DNAH6: variants seen among roughly 807,000 people sequenced by gnomAD.
DNAH6 encodes dynein axonemal heavy chain 6.
In DNAH6, 340 loss-of-function variants were observed where a neutral mutation model predicts 491.4. That is an observed-to-expected ratio of 0.69 (90% CI 0.63 to 0.76). The LOEUF (loss-of-function observed/expected upper bound fraction) is 0.76, where lower values mean the gene tolerates loss of function less well. Ranked by LOEUF, DNAH6 falls within the 30% of genes least tolerant of loss-of-function variation. DNAH6 has a pLI of 0.00. For synonymous variants in DNAH6, 1,603 were observed against 1,686.1 expected, an observed-to-expected ratio of 0.95 and a Z score of 1.21; for missense variants, 4,443 against 4,972.2, an observed-to-expected ratio of 0.89 and a Z score of 3.20.
At chr2:84,501,547 G>C in the DNAH6 span, among the ~76,000 whole-genome samples, 1 of 149,598 alleles carries the variant, frequency 6.7e-6, no homozygotes, top group Admixed American at 6.7e-5. Flanking sequence ...CTTGCAGAAT[G>C]GGTTTGGAAG....
At chr2:84,528,823 C>G (rs1558666375) in intron 3 of DNAH6, 81 bp from the exon 4 acceptor site, 2 of 1,330,684 alleles carry the variant, frequency 1.5e-6, no homozygotes, top group South Asian at 3.0e-5. Flanking sequence ...GGCAATTAGT[C>G]CTTGAAGGTA....
intron 63 of DNAH6, among the ~76,000 whole-genome samples, chr2:84,748,108 C>CT (rs1673137741): frequency 6.6e-6 from 1 of 152,120 alleles, no homozygotes; most frequent in Non-Finnish European, 1.5e-5. Context: ...CCTTTGAAGT[C>CT]TTTTTTCCCC....
intron 72 of DNAH6, among the ~76,000 whole-genome samples, chr2:84,811,259 C>G (rs1679941048): frequency 6.6e-6 from 1 of 152,222 alleles, no homozygotes; most frequent in Non-Finnish European, 1.5e-5. Flanking sequence ...TGGTCCCAGG[C>G]CTTATTTGGT....
chr2:84,775,627 A>G (rs540043766), intron 64 of DNAH6, among the ~76,000 whole-genome samples: 32 of 152,168 alleles, frequency 2.1e-4, no homozygotes, highest in African/African-American at 7.0e-4. Context: ...TCCACTGTGA[A>G]TCTTTCTGGT....
chr2:84,706,852 C>A, intron 52 of DNAH6, 44 bp from the exon 53 acceptor site: 1 of 1,509,226 alleles, frequency 6.6e-7, no homozygotes, highest in Non-Finnish European at 8.8e-7. Flanking sequence ...GCAAATTCAG[C>A]CTTTTTTTGG....
In DNAH6 at chr2:84,585,565, G is replaced by T. The variant is rs556348596; in HGVS notation, c.2481+1315G>T. 3.0e-4 allele frequency among the ~76,000 whole-genome samples: 46 copies of T among 152,186 alleles called. 1 individual carries two copies. In the South Asian group the frequency reaches 8.9e-3, roughly 30 times the overall value. ...TGGAATGGGTGACTCCTCTCTGCAG[G>T]CAGGTTGTCCCATCATCTCTGCAGC... On this transcript the variant is annotated intron_variant, in intron 15 of 76. Transcript: ENST00000389394.
At chr2:84,525,327 A>G (rs1346822169) in intron 2 of DNAH6, among the ~76,000 whole-genome samples, 4 of 152,020 alleles carry the variant, frequency 2.6e-5, no homozygotes, top group Admixed American at 2.0e-4. Context: ...TTATTCTTCT[A>G]AGTATTCATT....
At chr2:84,469,564 C>T in the DNAH6 span, among the ~76,000 whole-genome samples, 3 of 152,138 alleles carry the variant, frequency 2.0e-5, no homozygotes, top group Non-Finnish European at 4.4e-5. This position sits in a 1 kb window ranked among gnomAD's most constrained non-coding sequence, Gnocchi z 4.0. Context: ...TAAAGTATTG[C>T]CTGTGGCAGC....
At chr2:84,579,431 C>T in intron 13 of DNAH6, 96 bp from the exon 14 acceptor site, 2 of 1,364,772 alleles carry the variant, frequency 1.5e-6, no homozygotes, top group Non-Finnish European at 2.0e-6. Context: ...CTTCCAATGC[C>T]TGCTGATTTA....
intron 15 of DNAH6, among the ~76,000 whole-genome samples, chr2:84,586,837 T>A (rs947056931): frequency 1.3e-5 from 2 of 152,244 alleles, no homozygotes; most frequent in Admixed American, 6.5e-5. Flanking sequence ...TACCATATAC[T>A]GTATTCTATA....
chr2:84,624,410 A>G lies in DNAH6; in HGVS notation c.4197+20A>G, dbSNP rs1257597392. On this transcript the variant is annotated intron_variant, in intron 27 of 76. Transcript: ENST00000389394. ...TCCAAGGTAACTGTTTCATTTAAGT[A>G]AAATTATATACTTCTTTCTGAAATT... 24 of 1,549,448 alleles carry G rather than the reference A, an allele frequency of 1.5e-5. No individual in the cohort carries two copies. Among genetic ancestry groups the G allele is most frequent in the Non-Finnish European group, 1.9e-5 (22 of 1,146,132 alleles).
intron 59 of DNAH6, among the ~76,000 whole-genome samples, chr2:84,719,702 T>G (rs890164858): frequency 3.3e-5 from 5 of 152,014 alleles, no homozygotes; most frequent in Non-Finnish European, 2.9e-5. Context: ...TTTTTTATTT[T>G]TTGTAGAGAC....
intron 42 of DNAH6, among the ~76,000 whole-genome samples, chr2:84,683,436 T>TTTTTTTTTG: frequency 1.3e-5 from 1 of 79,680 alleles, no homozygotes; most frequent in East Asian, 5.1e-4. Context: ...TTTTTTTTTT[T>TTTTTTTTTG]TTTGAGATAG....
chr2:84,638,326 T>G (rs1689062384), intron 31 of DNAH6, among the ~76,000 whole-genome samples: 1 of 152,068 alleles, frequency 6.6e-6, no homozygotes, highest in African/African-American at 2.4e-5. Context: ...TATACGTATT[T>G]TTCATGGCAC....
At chr2:84,499,820 A>G in the DNAH6 span, among the ~76,000 whole-genome samples, 1 of 151,848 alleles carries the variant, frequency 6.6e-6, no homozygotes, top group Non-Finnish European at 1.5e-5. Flanking sequence ...CCTGTTTGAC[A>G]TTTGTGCATC....
the DNAH6 span, among the ~76,000 whole-genome samples, chr2:84,487,260 A>C: frequency 6.6e-6 from 1 of 152,250 alleles, no homozygotes; most frequent in African/African-American, 2.4e-5. Flanking sequence ...CCTCTGGTCC[A>C]GAACTATTTC....
intron 63 of DNAH6, among the ~76,000 whole-genome samples, chr2:84,762,133 G>A (rs754064504): frequency 5.3e-5 from 8 of 152,140 alleles, no homozygotes; most frequent in Non-Finnish European, 7.3e-5. Context: ...TGTAGGAAAT[G>A]GCCAGGCCTG....
intron 45 of DNAH6, among the ~76,000 whole-genome samples, chr2:84,693,484 C>T (rs1695073654): frequency 6.6e-6 from 1 of 152,102 alleles, no homozygotes; most frequent in Non-Finnish European, 1.5e-5. Context: ...TGGCTCATGC[C>T]TGTAATCCCA....
Position 84,658,449 on chromosome 2 carries a change from G to A in DNAH6, c.5915G>A (p.Gly1972Glu), listed in dbSNP as rs1007995341. Residue 1972 changes from glycine to glutamate, a missense_variant, in exon 36 of 77, where the codon GGG becomes GAG. Transcript: ENST00000389394. Reference protein sequence around the residue: ...LCCLLESLILGKDGVNLAMEQ... With the variant: ...LCCLLESLILEKDGVNLAMEQ... ...TGCTTATTGGAGTCCTTGATACTTG[G>A]GAAAGATGGAGTTAACTTGGCAATG... 6.6e-7 allele frequency: 1 copy of A among 1,517,690 alleles called. No homozygotes were observed. Among genetic ancestry groups the A allele is most frequent in the African/African-American group, 1.4e-5 (1 of 71,436 alleles). The allele number at this position is 1,517,690 out of a possible 1,614,324, so 94.0% of individuals were successfully genotyped here. A position where few individuals can be genotyped will look rare whatever the true frequency, so the allele number is the denominator to read the frequency against.
Sources: allele counts gnomAD v4.1 joint callset (sites outside exome capture counted in the v4.1 genomes callset), GRCh38; gene constraint gnomAD v4.1.1; non-coding constraint Gnocchi (gnomAD v3.1); transcripts MANE v1.5; gene names NCBI Gene and HGNC (gene_info 2026-07-23, HGNC 2026-07-21).